The following CDH18 variants were observed in gnomAD, a reference collection of about 807,000 sequenced individuals.
CDH18 encodes the protein cadherin 18.
In CDH18, 31 loss-of-function variants were observed where a neutral mutation model predicts 67.9. The observed-to-expected ratio is 0.46, with a 90% CI of 0.34 to 0.62. CDH18 has a LOEUF of 0.62. CDH18 is among the 20% of genes least tolerant of loss of function. The pLI is 0.01. For missense variants in CDH18, 890 were observed against 975.5 expected (o/e 0.91, Z 1.17); for synonymous variants, 362 against 347.2 (o/e 1.04, Z -0.48).
chr5:19,832,962 C>A (rs1043370356), intron 3 of CDH18, among the ~76,000 whole-genome samples: 1 of 152,030 alleles, frequency 6.6e-6, no homozygotes, highest in Non-Finnish European at 1.5e-5. Flanking sequence ...TAATGTGATG[C>A]CTCTAGCTTT....
chr5:20,137,521 G>A (rs1338390766), intron 2 of CDH18, among the ~76,000 whole-genome samples: 1 of 151,936 alleles, frequency 6.6e-6, no homozygotes, highest in Non-Finnish European at 1.5e-5. Flanking sequence ...TTTGTAATGG[G>A]TTCGAAAATC....
chr5:20,505,181 T>G (rs541675909), intron 1 of CDH18, among the ~76,000 whole-genome samples: 3 of 152,140 alleles, frequency 2.0e-5, no homozygotes, highest in Admixed American at 1.3e-4. Context: ...ACTGGTGGTA[T>G]AAGTACAGTC....
chr5:20,484,753 T>C (rs767451166), intron 1 of CDH18, among the ~76,000 whole-genome samples: 9 of 152,090 alleles, frequency 5.9e-5, no homozygotes, highest in Non-Finnish European at 1.2e-4. Flanking sequence ...ATTAAAACAA[T>C]TGAACTCATG....
At chr5:20,102,163 T>TTAAACATAAAG (rs977393371) in intron 2 of CDH18, among the ~76,000 whole-genome samples, 3 of 151,982 alleles carry the variant, frequency 2.0e-5, no homozygotes, top group African/African-American at 7.2e-5. Context: ...AAGGAATAAA[T>TTAAACATAAAG]TAAACATAAA....
intron 2 of CDH18, among the ~76,000 whole-genome samples, chr5:20,180,962 C>A (rs950070965): frequency 6.6e-6 from 1 of 152,154 alleles, no homozygotes; most frequent in Non-Finnish European, 1.5e-5. Context: ...TCCATACTCT[C>A]TTCTGTTTCC....
At chr5:19,539,901 C>T (rs927296315) in intron 9 of CDH18, among the ~76,000 whole-genome samples, 2 of 152,116 alleles carry the variant, frequency 1.3e-5, no homozygotes, top group Admixed American at 1.3e-4. Context: ...TATTATTCCA[C>T]TCCTGGCCCC....
intron 11 of CDH18, among the ~76,000 whole-genome samples, chr5:19,493,846 T>C (rs532376540): frequency 1.3e-4 from 20 of 152,150 alleles, no homozygotes; most frequent in Non-Finnish European, 2.8e-4. Context: ...AACAGTTACA[T>C]AGTCAATATT....
intron 5 of CDH18, among the ~76,000 whole-genome samples, chr5:19,699,533 G>A (rs1039974436): frequency 6.6e-6 from 1 of 152,002 alleles, no homozygotes; most frequent in Non-Finnish European, 1.5e-5. Flanking sequence ...TAGTTCATAA[G>A]GGTAAGCCCT....
intron 8 of CDH18, among the ~76,000 whole-genome samples, chr5:19,546,108 T>C (rs1020701095): frequency 5.3e-5 from 8 of 151,696 alleles, no homozygotes; most frequent in Admixed American, 3.9e-4. Flanking sequence ...TGTTAGGAGG[T>C]TGATTGAGGT....
chr5:20,432,888 A>C (rs1748868837), intron 1 of CDH18, among the ~76,000 whole-genome samples: 1 of 149,964 alleles, frequency 6.7e-6, no homozygotes, highest in Admixed American at 6.7e-5. Flanking sequence ...GTAAAAATTA[A>C]AAAAAATTAT....
intron 6 of CDH18, among the ~76,000 whole-genome samples, chr5:19,594,180 A>G (rs1477514234): frequency 6.6e-6 from 1 of 151,700 alleles, no homozygotes; most frequent in Non-Finnish European, 1.5e-5. Flanking sequence ...TTGTTTTTTG[A>G]CACGGAATCT....
intron 5 of CDH18, among the ~76,000 whole-genome samples, chr5:19,629,835 T>C (rs777121728): frequency 2.0e-5 from 3 of 152,148 alleles, no homozygotes; most frequent in Admixed American, 6.6e-5. Context: ...ATCATTTACA[T>C]ATAATTAGAA....
intron 2 of CDH18, among the ~76,000 whole-genome samples, chr5:20,238,941 G>A (rs1270768676): frequency 6.6e-6 from 1 of 152,050 alleles, no homozygotes; most frequent in Non-Finnish European, 1.5e-5. Flanking sequence ...AAATCTGTAA[G>A]CAACTCAAAT....
intron 1 of CDH18, among the ~76,000 whole-genome samples, chr5:20,520,295 C>T (rs1755666874): frequency 6.6e-6 from 1 of 151,990 alleles, no homozygotes; most frequent in East Asian, 1.9e-4. Context: ...AATTTCTGTC[C>T]CTTGAAAGAG....
intron 1 of CDH18, among the ~76,000 whole-genome samples, chr5:20,549,931 A>C (rs1757543149): frequency 6.6e-6 from 1 of 152,220 alleles, no homozygotes; most frequent in Admixed American, 6.5e-5. Context: ...AGATGAAGTA[A>C]AAATATCAGT....
intron 1 of CDH18, among the ~76,000 whole-genome samples, chr5:20,444,612 T>C (rs1581010605): frequency 1.3e-5 from 2 of 152,224 alleles, no homozygotes; most frequent in East Asian, 3.9e-4. Context: ...TGAAATAAAC[T>C]GTGAGATTCA....
At chr5:20,053,588 A>G (rs562885679) in intron 2 of CDH18, among the ~76,000 whole-genome samples, 1 of 152,212 alleles carries the variant, frequency 6.6e-6, no homozygotes, top group East Asian at 1.9e-4. Context: ...CACAAACACT[A>G]AAATGAATCT....
chr5:20,469,810 C>G (rs975460278), intron 1 of CDH18, among the ~76,000 whole-genome samples: 1 of 152,124 alleles, frequency 6.6e-6, no homozygotes, highest in Non-Finnish European at 1.5e-5. Flanking sequence ...CTCCAGGTCT[C>G]TCCTCAATTC....
chr5:19,905,528 A>G (rs1790436301), intron 2 of CDH18, among the ~76,000 whole-genome samples: 1 of 151,978 alleles, frequency 6.6e-6, no homozygotes, highest in African/African-American at 2.4e-5. Context: ...ACGTATGATT[A>G]GTAGTTTAAT....
Sources: allele counts gnomAD v4.1 joint callset (sites outside exome capture counted in the v4.1 genomes callset), GRCh38; gene constraint gnomAD v4.1.1; transcripts MANE v1.5; gene names NCBI Gene and HGNC (gene_info 2026-07-23, HGNC 2026-07-21).